The following ZSCAN26 variants were observed in gnomAD, a reference collection of about 807,000 sequenced individuals.
ZSCAN26 encodes the protein zinc finger and SCAN domain-containing protein 26.
Under a neutral mutation model 23.0 loss-of-function variants are expected in ZSCAN26, and 26 were observed. The observed-to-expected ratio is 1.13, with a 90% CI of 0.83 to 1.57. The LOEUF is 1.57. ZSCAN26 is among the 40% of genes most tolerant of loss of function. The pLI, the probability that ZSCAN26 is intolerant of heterozygous loss-of-function variation, is 0.00. For missense variants in ZSCAN26, 528 were observed against 568.5 expected, an observed-to-expected ratio of 0.93 and a Z score of 0.72; for synonymous variants, 180 against 202.5, an observed-to-expected ratio of 0.89 and a Z score of 0.94.
At chr6:28,273,677 C>CTT (rs959261210) in intron 3 of ZSCAN26, among the ~76,000 whole-genome samples, 1 of 150,516 alleles carries the variant, frequency 6.6e-6, no homozygotes, top group Non-Finnish European at 1.5e-5. Flanking sequence ...CATTTCTAAA[C>CTT]GTCACCTGGA....
At chr6:28,272,528 C>G in intron 2 of ZSCAN26, 142 bp from the exon 3 acceptor site, 2 of 962,494 alleles carry the variant, frequency 2.1e-6, no homozygotes, top group Non-Finnish European at 3.0e-6. Context: ...ACTGAATGTG[C>G]ACCAGATTCC....
intron 1 of ZSCAN26, among the ~76,000 whole-genome samples, chr6:28,268,994 T>A (rs1761565090): frequency 6.6e-6 from 1 of 151,910 alleles, no homozygotes; most frequent in Non-Finnish European, 1.5e-5. Flanking sequence ...GCATTTGTAA[T>A]CCCAGCTATT....
intron 1 of ZSCAN26, among the ~76,000 whole-genome samples, chr6:28,270,476 G>T (rs1323793385): frequency 6.6e-6 from 1 of 152,184 alleles, no homozygotes; most frequent in Admixed American, 6.5e-5. Flanking sequence ...CTGCCCCAAA[G>T]GATGGTAGGG....
At position 28,272,352 on chromosome 6, in the gene ZSCAN26, T is replaced by C. The variant is rs1761732108; in HGVS notation, c.420+13T>C. The C allele has an allele frequency of 6.7e-7, 1 of 1,486,742 alleles. No homozygotes were observed. The highest frequency in any genetic ancestry group is 2.5e-5 in the Admixed American group (1 of 40,502). 92.1% of individuals were successfully genotyped at this position (1,486,742 alleles called of 1,614,324 possible). On this transcript the variant is annotated intron_variant, in intron 2 of 3. Coordinates refer to ENST00000421553, the MANE Select transcript of ZSCAN26 (RefSeq NM_001023560.4). ...AGGACAACAGGTGGTAAGGGTCAGA[T>C]GTGCTCTTTTTCAGGAATGCAGGAA...
chr6:28,272,857 T>A (rs1168277029), intron 3 of ZSCAN26, 70 bp downstream of exon 3: 48 of 1,302,456 alleles, frequency 3.7e-5, no homozygotes, highest in Non-Finnish European at 2.5e-5. Flanking sequence ...AGGTTGTGCT[T>A]AGCACCCTTG....
rs564475703 is a variant in ZSCAN26, at chr6:28,270,516, G to A, written c.-66-1338G>A. On this transcript the variant is annotated intron_variant, in intron 1 of 3. Transcript: ENST00000421553. Reference sequence around the variant, plus strand: ...GTCTGAGTTCATTTTTGACATGTTGGATTTGAGAGGCTTCTGTAGGGTATC... The same window carrying A: ...GTCTGAGTTCATTTTTGACATGTTGAATTTGAGAGGCTTCTGTAGGGTATC... Among the ~76,000 whole-genome samples, 7 of 152,310 alleles carry A rather than the reference G, an allele frequency of 4.6e-5. No homozygotes were observed. In the South Asian group the frequency reaches 1.4e-3, roughly 32 times the overall value.
At chr6:28,274,087 CT>C (rs11441808) in intron 3 of ZSCAN26, among the ~76,000 whole-genome samples, 27 of 149,342 alleles carry the variant, frequency 1.8e-4, no homozygotes, top group African/African-American at 6.4e-4. Context: ...TTCATTTCTT[CT>C]TTTTTTTTTC....
Position 28,272,175 on chromosome 6 carries a change from A to G in ZSCAN26, c.256A>G (p.Thr86Ala). 6.2e-7 allele frequency: 1 copy of G among 1,613,954 alleles called. No homozygotes were observed. The highest frequency in any genetic ancestry group is 8.5e-7 in the Non-Finnish European group (1 of 1,179,980). ...ACAGTGGCTACAGCCCGAGACCCAT[A>G]CCAAGGAGCAGATCCTGGAGCTGCT... Reference protein sequence around the residue: ...CQQWLQPETHTKEQILELLVL... With the variant: ...CQQWLQPETHAKEQILELLVL... Residue 86 changes from threonine to alanine, a missense_variant, in exon 2 of 4, where the codon ACC (threonine) becomes GCC (alanine). Thr to Ala is a moderately conservative substitution (Grantham distance 58). Coordinates refer to ENST00000421553, the MANE Select transcript of ZSCAN26 (RefSeq NM_001023560.4).
In ZSCAN26 at chr6:28,277,685, C is replaced by G. The variant is rs997468154; in HGVS notation, c.*589C>G. 6.6e-6 allele frequency: 1 copy of G among 152,294 alleles called. No individual in the cohort carries two copies. Among genetic ancestry groups the G allele is most frequent in the Non-Finnish European group, 1.5e-5 (1 of 68,090 alleles). 9.4% of individuals were successfully genotyped at this position (152,294 alleles called of 1,614,324 possible). On this transcript the variant is annotated 3_prime_UTR_variant, in exon 4 of 4. Transcript: ENST00000421553. ...TAATTTTCGCTGGTGAACTTCAGAACTTGCCTTCAGGGTTAGCTTCATGTA... is the reference window on the plus strand; with the variant it reads ...TAATTTTCGCTGGTGAACTTCAGAAGTTGCCTTCAGGGTTAGCTTCATGTA...
chr6:28,269,983 G>A (rs989030338), intron 1 of ZSCAN26, among the ~76,000 whole-genome samples: 4 of 151,926 alleles, frequency 2.6e-5, no homozygotes, highest in South Asian at 2.1e-4. Context: ...TCACTCTGTC[G>A]CCCAGGCTGG....
Position 28,276,802 on chromosome 6 carries a change from C to G in ZSCAN26, c.1146C>G (p.Leu382=). ...AAACCTTTAGTCAGGCCTTACTCCTCACCCACCATCAGAGAATCCATAGTC... is the reference window on the plus strand; with the variant it reads ...AAACCTTTAGTCAGGCCTTACTCCTGACCCACCATCAGAGAATCCATAGTC... The part of the protein sequence containing the change: ...CGKTFSQALL[L]THHQRIHSHS... The change falls in exon 4 of 4, where the codon CTC becomes CTG. Residue 382 remains leucine (L), a synonymous_variant. Coordinates refer to ENST00000421553, the MANE Select transcript of ZSCAN26 (RefSeq NM_001023560.4). The G allele has an allele frequency of 6.2e-7, 1 of 1,613,972 alleles. No homozygotes were observed. Among genetic ancestry groups the G allele is most frequent in the Non-Finnish European group, 8.5e-7 (1 of 1,179,874 alleles).
intron 3 of ZSCAN26, among the ~76,000 whole-genome samples, chr6:28,274,120 A>G (rs184756604): frequency 6.6e-6 from 1 of 150,544 alleles, no homozygotes; most frequent in Non-Finnish European, 1.5e-5. Context: ...TAATTACATT[A>G]TATTGCAGTT....
intron 3 of ZSCAN26, among the ~76,000 whole-genome samples, chr6:28,275,683 T>C (rs1761901563): frequency 6.6e-6 from 1 of 152,196 alleles, no homozygotes; most frequent in Non-Finnish European, 1.5e-5. Flanking sequence ...TATAGTACAT[T>C]ATTCTTTCTT....
intron 1 of ZSCAN26, 188 bp downstream of exon 1, chr6:28,267,401 C>T (rs1490935324): frequency 4.6e-5 from 7 of 152,146 alleles, no homozygotes; most frequent in South Asian, 2.1e-4. Context: ...AGAGTACAAC[C>T]TTCTGCTGCA....
intron 1 of ZSCAN26, 42 bp from the exon 2 acceptor site, chr6:28,271,812 G>A (rs1030232716): frequency 5.1e-6 from 5 of 972,978 alleles, no homozygotes; most frequent in South Asian, 1.8e-5. Context: ...CTTGTTAGCA[G>A]TACTATTACT....
rs763236569 is a variant in ZSCAN26 at position 28,272,171 on chromosome 6, C to G, written c.252C>G (p.Thr84=). The change falls in exon 2 of 4, where the codon ACC becomes ACG. Residue 84 remains threonine (T), a synonymous_variant. Transcript: ENST00000421553. ...ELCQQWLQPE[T]HTKEQILELL... is the part of the protein sequence containing the mutation. The stretch of plus-strand genomic sequence containing the variant: ...GTCAACAGTGGCTACAGCCCGAGAC[C>G]CATACCAAGGAGCAGATCCTGGAGC... 26 of 1,613,816 alleles carry G rather than the reference C, an allele frequency of 1.6e-5. No individual in the cohort carries two copies. The highest frequency in any genetic ancestry group is 2.2e-5 in the Non-Finnish European group (26 of 1,179,948).
chr6:28,272,121 G>A lies in ZSCAN26; in HGVS notation c.202G>A (p.Ala68Thr), dbSNP rs776538749. The A allele has an allele frequency of 4.4e-6, 7 of 1,604,408 alleles. No homozygotes were observed. Among genetic ancestry groups the A allele is most frequent in the Non-Finnish European group, 6.0e-6 (7 of 1,175,212 alleles). Residue 68 changes from alanine (A) to threonine (T), a missense_variant, in exon 2 of 4, where the codon GCA becomes ACA. Ala to Thr is a moderately conservative substitution (Grantham distance 58). Transcript: ENST00000421553. ...TGAAGAGACCACAGGACCTCGAGAA[G>A]CACTAAGTCGGCTCCGGGAGCTCTG... Reference protein sequence around the residue: ...RYEETTGPREALSRLRELCQQ... With the variant: ...RYEETTGPRETLSRLRELCQQ...
At chr6:28,273,983 A>G (rs7767244) in intron 3 of ZSCAN26, among the ~76,000 whole-genome samples, 1,825 of 152,136 alleles carry the variant, frequency 0.012, 33 homozygotes, top group African/African-American at 0.039. Context: ...GGCCTCTCAC[A>G]GTGCTGGCAT....
intron 3 of ZSCAN26, among the ~76,000 whole-genome samples, 162 bp from the exon 4 acceptor site, chr6:28,276,033 T>C (rs1761914064): frequency 6.6e-6 from 1 of 152,244 alleles, no homozygotes; most frequent in South Asian, 2.1e-4. Context: ...GTTAACAATG[T>C]CTTGTGTACC....
Sources: allele counts gnomAD v4.1 joint callset (sites outside exome capture counted in the v4.1 genomes callset), GRCh38; gene constraint gnomAD v4.1.1; transcripts MANE v1.5; gene names NCBI Gene and HGNC (gene_info 2026-07-23, HGNC 2026-07-21).